ZNF521: variants seen among roughly 807,000 people sequenced by gnomAD.
ZNF521 encodes the protein zinc finger protein 521.
In ZNF521, 14 loss-of-function variants were observed where a neutral mutation model predicts 105.5. That is an observed-to-expected ratio of 0.13 (90% CI 0.09 to 0.21). The LOEUF (loss-of-function observed/expected upper bound fraction) is 0.21. ZNF521 is among the 10% of genes least tolerant of loss of function. ZNF521 has a pLI of 1.00. For missense variants in ZNF521, 1,233 were observed against 1,629.7 expected, an observed-to-expected ratio of 0.76 and a Z score of 4.19; for synonymous variants, 635 against 606.0, an observed-to-expected ratio of 1.05 and a Z score of -0.70.
chr18:25,276,941 G>A (rs1457811720), intron 3 of ZNF521, among the ~76,000 whole-genome samples: 1 of 152,154 alleles, frequency 6.6e-6, no homozygotes. Context: ...CCAGCACTTT[G>A]GGAGACCAAG....
chr18:25,281,934 G>GAA (rs35913364), intron 3 of ZNF521, among the ~76,000 whole-genome samples: 4 of 147,466 alleles, frequency 2.7e-5, no homozygotes, highest in African/African-American at 9.9e-5. Flanking sequence ...AAAACTGGCA[G>GAA]AAAAAAAAAA....
intron 5 of ZNF521, among the ~76,000 whole-genome samples, chr18:25,138,735 C>T (rs1433780395): frequency 2.6e-5 from 4 of 152,056 alleles, no homozygotes; most frequent in East Asian, 1.9e-4. Context: ...TTCAATGCCC[C>T]GATTTAACAT....
chr18:25,223,369 T>C (rs1468279941), intron 4 of ZNF521, among the ~76,000 whole-genome samples: 2 of 152,172 alleles, frequency 1.3e-5, no homozygotes, highest in South Asian at 2.1e-4. Context: ...AGCTGACTGA[T>C]GGCTATCTGC....
intron 7 of ZNF521, among the ~76,000 whole-genome samples, chr18:25,065,437 A>G (rs899831969): frequency 1.3e-5 from 2 of 152,178 alleles, no homozygotes; most frequent in African/African-American, 4.8e-5. Context: ...TATAAGGTAT[A>G]TAAGAAATAT....
chr18:25,193,785 A>G (rs2035857323), intron 5 of ZNF521, among the ~76,000 whole-genome samples: 1 of 152,000 alleles, frequency 6.6e-6, no homozygotes, highest in Non-Finnish European at 1.5e-5. Flanking sequence ...ACTATTTAAT[A>G]TATGAGAAAT....
At chr18:25,115,746 A>G (rs181309022) in intron 5 of ZNF521, among the ~76,000 whole-genome samples, 221 of 152,324 alleles carry the variant, frequency 1.5e-3, no homozygotes, top group Admixed American at 2.9e-3. Flanking sequence ...AAAGTCATTC[A>G]GTGATGAATG....
intron 5 of ZNF521, among the ~76,000 whole-genome samples, chr18:25,124,053 G>A (rs1003401846): frequency 7.2e-5 from 11 of 152,072 alleles, no homozygotes; most frequent in Admixed American, 2.0e-4. Flanking sequence ...TGGAGCCTGC[G>A]TTAAGTGATG....
At position 25,272,749 on chromosome 18, in the gene ZNF521, C is replaced by A. The variant is rs371158815; in HGVS notation, c.221-45052G>T. Among the ~76,000 whole-genome samples the A allele has an allele frequency of 2.0e-5, 3 of 151,826 alleles. No individual in the cohort carries two copies. The South Asian group carries it at 6.3e-4, about 32-fold the overall frequency. The stretch of plus-strand genomic sequence containing the variant: ...GATACAGGGAGGGGAACATCACACA[C>A]CGGGGCCTGTTGTGGGTTGGGGGGT... On this transcript the variant is annotated intron_variant, in intron 3 of 7. Transcript: ENST00000361524.
At chr18:25,245,914 A>C (rs962499548) in intron 3 of ZNF521, among the ~76,000 whole-genome samples, 3 of 152,190 alleles carry the variant, frequency 2.0e-5, no homozygotes, top group African/African-American at 7.2e-5. Context: ...CAGAAGGCTG[A>C]GGCAAGAGGA....
chr18:25,300,122 G>A (rs1911551718), intron 3 of ZNF521, among the ~76,000 whole-genome samples: 2 of 152,126 alleles, frequency 1.3e-5, no homozygotes, highest in Admixed American at 1.3e-4. Flanking sequence ...GTGAAAGCCA[G>A]ACGAGACATG....
intron 3 of ZNF521, among the ~76,000 whole-genome samples, chr18:25,260,193 G>A (rs1262650263): frequency 6.6e-6 from 1 of 152,116 alleles, no homozygotes; most frequent in East Asian, 1.9e-4. Context: ...TCCCACTTCT[G>A]TCACTTATTC....
chr18:25,119,541 A>G (rs545716896), intron 5 of ZNF521, among the ~76,000 whole-genome samples: 12 of 152,274 alleles, frequency 7.9e-5, no homozygotes, highest in African/African-American at 2.9e-4. Context: ...AAATATTTGG[A>G]AATTAAAATT....
chr18:25,263,265 C>T (rs1568042155), intron 3 of ZNF521, among the ~76,000 whole-genome samples: 1 of 152,146 alleles, frequency 6.6e-6, no homozygotes, highest in East Asian at 1.9e-4. Context: ...TAATTTCATC[C>T]ATCCTTCAAA....
At chr18:25,123,621 G>C (rs954224428) in intron 5 of ZNF521, among the ~76,000 whole-genome samples, 1 of 152,154 alleles carries the variant, frequency 6.6e-6, no homozygotes, top group Non-Finnish European at 1.5e-5. Context: ...CCTTGCAGAG[G>C]GAAGGGAGGG....
In ZNF521 at chr18:25,077,830, A is replaced by C. The variant is rs552788813; in HGVS notation, c.3906+11635T>G. 4.6e-5 allele frequency among the ~76,000 whole-genome samples: 7 copies of C among 152,310 alleles called. No individual in the cohort carries two copies. The East Asian group carries it at 1.2e-3, about 25-fold the overall frequency. ...AAAAAAAAGAGGAAGACAACGAAGAAGAGGGAGGCGGGGAGAATTAAAGGT... is the reference window on the plus strand; with the variant it reads ...AAAAAAAAGAGGAAGACAACGAAGACGAGGGAGGCGGGGAGAATTAAAGGT... On this transcript the variant is annotated intron_variant, in intron 7 of 7. Transcript: ENST00000361524.
chr18:25,270,654 A>C (rs1384168721), intron 3 of ZNF521, among the ~76,000 whole-genome samples: 2 of 152,182 alleles, frequency 1.3e-5, no homozygotes, highest in African/African-American at 4.8e-5. Flanking sequence ...TCCATCACAT[A>C]AACAGAACCA....
At chr18:25,288,527 T>A (rs972522682) in intron 3 of ZNF521, among the ~76,000 whole-genome samples, 2 of 150,396 alleles carry the variant, frequency 1.3e-5, no homozygotes, top group African/African-American at 4.9e-5. Flanking sequence ...CTCCCTCTCC[T>A]TTTCCTCTAC....
intron 5 of ZNF521, among the ~76,000 whole-genome samples, chr18:25,093,182 C>T (rs1177591931): frequency 1.3e-5 from 2 of 152,014 alleles, no homozygotes; most frequent in Non-Finnish European, 2.9e-5. Flanking sequence ...TTGGAAGAGC[C>T]AGAACTTGAA....
intron 6 of ZNF521, 44 bp downstream of exon 6, chr18:25,091,906 T>C (rs1458876961): frequency 2.5e-6 from 4 of 1,604,488 alleles, no homozygotes; most frequent in Non-Finnish European, 3.4e-6. Context: ...AGACATGATG[T>C]GGCCATCAGC....
Sources: gnomAD v4.1 joint callset for allele counts (sites outside exome capture counted in the v4.1 genomes callset) on GRCh38, gnomAD v4.1.1 for gene constraint, MANE v1.5 for transcripts, NCBI Gene and HGNC (gene_info 2026-07-23, HGNC 2026-07-21) for gene names.